The following NANOS3 variants were observed in gnomAD, a reference collection of about 807,000 sequenced individuals.
The protein encoded by NANOS3 is nanos C2HC-type zinc finger 3, also known as nanos homolog 3.
In NANOS3, 11 loss-of-function variants were observed where a neutral mutation model predicts 13.8. That is an observed-to-expected ratio of 0.80 (90% CI 0.50 to 1.32). The LOEUF is 1.32. Ranked by LOEUF, NANOS3 falls within the 40% of genes most tolerant of loss-of-function variation. The probability of loss-of-function intolerance (pLI) is 0.00; values close to 1 mark genes in which losing one functional copy is unlikely to be tolerated. For synonymous variants in NANOS3, 119 were observed against 115.4 expected (o/e 1.03, Z -0.20); for missense variants, 221 against 263.8 (o/e 0.84, Z 1.12).
At chr19:13,863,469 C>T (rs1044311770), upstream of NANOS3, among the ~76,000 whole-genome samples, 3 of 152,136 alleles carry the variant, frequency 2.0e-5, no homozygotes, top group African/African-American at 7.2e-5. Flanking sequence ...TCTCCTGCCT[C>T]GGCCTCCCAA....
At chr19:13,876,244 T>C (rs1001818064), upstream of NANOS3, among the ~76,000 whole-genome samples, 3 of 152,160 alleles carry the variant, frequency 2.0e-5, no homozygotes, top group Non-Finnish European at 2.9e-5. Flanking sequence ...GTTCAAGCAA[T>C]TCTTCTGCCT....
At chr19:13,873,859 CG>C (rs1247096797), upstream of NANOS3, among the ~76,000 whole-genome samples, 4 of 111,928 alleles carry the variant, frequency 3.6e-5, no homozygotes, top group South Asian at 2.9e-4. Flanking sequence ...GCTTGGCTTG[CG>C]GGGGGTGGGA....
At chr19:13,876,590 G>C (rs1025223703), upstream of NANOS3, among the ~76,000 whole-genome samples, 4 of 152,052 alleles carry the variant, frequency 2.6e-5, no homozygotes, top group African/African-American at 4.8e-5. Flanking sequence ...GCTGGGGGCC[G>C]GGGGGCATGA....
intron 1 of NANOS3, among the ~76,000 whole-genome samples, chr19:13,865,727 C>T (rs1328692519): frequency 4.0e-5 from 6 of 150,540 alleles, no homozygotes; most frequent in Admixed American, 4.0e-4. Flanking sequence ...GGAGCCGGGG[C>T]CGCCAGGGGG....
intron 1 of NANOS3, among the ~76,000 whole-genome samples, chr19:13,866,146 CAGG>C (rs1346373459): frequency 1.3e-5 from 2 of 152,160 alleles, no homozygotes; most frequent in African/African-American, 4.8e-5. Context: ...GGTTTGCGAA[CAGG>C]AACCCGCCCT....
intron 1 of NANOS3, among the ~76,000 whole-genome samples, chr19:13,866,780 TC>T (rs920572608): frequency 1.4e-4 from 22 of 152,144 alleles, no homozygotes; most frequent in African/African-American, 4.6e-4. Context: ...TCCGACTCCA[TC>T]GTTCACAATA....
intron 1 of NANOS3, among the ~76,000 whole-genome samples, chr19:13,870,411 CTCCA>C (rs748114349): frequency 2.6e-5 from 4 of 151,866 alleles, no homozygotes; most frequent in East Asian, 1.9e-4. Flanking sequence ...GTAGAGCTGC[CTCCA>C]TCCATCCATC....
At chr19:13,880,336 G>A (rs1034794858) in intron 1 of NANOS3, 106 bp from the exon 2 acceptor site, 9 of 1,033,308 alleles carry the variant, frequency 8.7e-6, no homozygotes, top group Admixed American at 1.9e-5. Context: ...CAGCCCCTGG[G>A]TGGCGCCAGA....
At chr19:13,873,195 C>T (rs1968430428), upstream of NANOS3, among the ~76,000 whole-genome samples, 1 of 147,020 alleles carries the variant, frequency 6.8e-6, no homozygotes, top group Admixed American at 7.1e-5. Context: ...TTCTGGGGAA[C>T]AGGTCAAAAG....
intron 1 of NANOS3, among the ~76,000 whole-genome samples, chr19:13,868,944 G>A (rs531487130): frequency 7.3e-5 from 11 of 151,624 alleles, no homozygotes; most frequent in Non-Finnish European, 1.5e-4. Context: ...CACACACACA[G>A]CTGGTGGAGA....
chr19:13,874,997 A>C (rs1968481236), upstream of NANOS3: 1 of 510,202 alleles, frequency 2.0e-6, no homozygotes, highest in Non-Finnish European at 4.0e-6. Context: ...GACACGGCTT[A>C]AGGGGAATGG....
intron 1 of NANOS3, among the ~76,000 whole-genome samples, chr19:13,879,346 C>G (rs1294029703): frequency 6.6e-6 from 1 of 152,176 alleles, no homozygotes; most frequent in Non-Finnish European, 1.5e-5. Flanking sequence ...TGGGCACTGC[C>G]TCCCCCAGCA....
chr19:13,879,605 G>A (rs1968588626), intron 1 of NANOS3, among the ~76,000 whole-genome samples: 1 of 152,176 alleles, frequency 6.6e-6, no homozygotes, highest in Non-Finnish European at 1.5e-5. Context: ...GTGTGTGCCT[G>A]TAGTCCCAGC....
chr19:13,875,188 C>CTT (rs376046818), upstream of NANOS3, among the ~76,000 whole-genome samples: 693 of 141,886 alleles, frequency 4.9e-3, 3 homozygotes, highest in Non-Finnish European at 7.7e-3. Flanking sequence ...CTAAAATCCC[C>CTT]TTTTTTTTTT....
chr19:13,869,909 C>T (rs1008338328), intron 1 of NANOS3, among the ~76,000 whole-genome samples: 2 of 152,058 alleles, frequency 1.3e-5, no homozygotes, highest in African/African-American at 2.4e-5. Context: ...GGGTTGAGAT[C>T]GAGAGGAGAC....
chr19:13,875,965 A>G (rs960070441), upstream of NANOS3, among the ~76,000 whole-genome samples: 16 of 152,118 alleles, frequency 1.1e-4, no homozygotes, highest in Non-Finnish European at 1.9e-4. Context: ...AGGACACTGA[A>G]GACCTGTAGG....
At chr19:13,865,764 G>C (rs1230673266) in intron 1 of NANOS3, among the ~76,000 whole-genome samples, 2 of 151,014 alleles carry the variant, frequency 1.3e-5, no homozygotes, top group African/African-American at 4.9e-5. Flanking sequence ...CCCTCGCGGG[G>C]CGGGGACGCG....
At chr19:13,878,560 A>G (rs1968566022) in intron 1 of NANOS3, among the ~76,000 whole-genome samples, 1 of 151,840 alleles carries the variant, frequency 6.6e-6, no homozygotes, top group African/African-American at 2.4e-5. Flanking sequence ...TAGATGCAGA[A>G]AGAAGACTTT....
intron 1 of NANOS3, among the ~76,000 whole-genome samples, chr19:13,871,254 T>G (rs1976323357): frequency 6.6e-6 from 1 of 151,830 alleles, no homozygotes; most frequent in Admixed American, 6.6e-5. Flanking sequence ...TACAGGCAGA[T>G]CCAGACAGTT....
Sources: allele counts gnomAD v4.1 joint callset (sites outside exome capture counted in the v4.1 genomes callset), GRCh38; gene constraint gnomAD v4.1.1; transcripts MANE v1.5; gene names NCBI Gene and HGNC (gene_info 2026-07-23, HGNC 2026-07-21).